The following MTMR7 variants were observed in gnomAD, a reference collection of about 807,000 sequenced individuals.
MTMR7 encodes the protein myotubularin related protein 7, also known as phosphatidylinositol-3-phosphate phosphatase MTMR7.
MTMR7 carries 76 observed loss-of-function variants against 81.2 expected under a neutral mutation model. The observed-to-expected ratio is 0.94, with a 90% CI of 0.78 to 1.13. The LOEUF is 1.13. Ranked by LOEUF, MTMR7 falls within the 50% of genes most tolerant of loss-of-function variation. The probability of loss-of-function intolerance (pLI) is 0.00; values close to 1 mark genes in which losing one functional copy is unlikely to be tolerated. For missense variants in MTMR7, 1,044 were observed against 820.0 expected (o/e 1.27, Z -3.34); for synonymous variants, 372 against 289.8 (o/e 1.28, Z -2.88).
chr8:17,304,556 T>C, intron 11 of MTMR7, 37 bp from the exon 12 acceptor site: 2 of 1,599,170 alleles, frequency 1.3e-6, no homozygotes, highest in African/African-American at 1.3e-5. Context: ...ATGACCTATT[T>C]TGGTGCTTAC....
At position 17,305,816 on chromosome 8, in the gene MTMR7, A is replaced by G. The variant is rs1442159562; in HGVS notation, c.1293T>C (p.Ile431=). Reference sequence around the variant, plus strand: ...GGAAGTTTCCAAACTGGCAGGAATAAATGTGATGTTGAATGTGAATCAAAA... The same window carrying G: ...GGAAGTTTCCAAACTGGCAGGAATAGATGTGATGTTGAATGTGAATCAAAA... ...ERFLIHIQHH[I]YSCQFGNFLC... Residue 431 remains isoleucine, a synonymous_variant, in exon 11 of 14, where the codon ATT becomes ATC. Coordinates refer to ENST00000180173, the MANE Select transcript of MTMR7 (RefSeq NM_004686.5). 6.2e-7 allele frequency: 1 copy of G among 1,613,776 alleles called. No individual in the cohort carries two copies. The highest frequency in any genetic ancestry group is 8.5e-7 in the Non-Finnish European group (1 of 1,179,762).
chr8:17,394,961 G>A lies in MTMR7; in HGVS notation c.24+18308C>T, dbSNP rs115113520. Among the ~76,000 whole-genome samples, 1,210 of 152,174 alleles carry A rather than the reference G, an allele frequency of 8.0e-3. 21 individuals carry two copies. Among genetic ancestry groups the A allele is most frequent in the African/African-American group, 0.027 (1,112 of 41,528 alleles). On this transcript the variant is annotated intron_variant, in intron 1 of 13. Transcript: ENST00000180173. ...AGATATACTTTAAAGCATTTTAAGC[G>A]TATAATTCAGTGGCGTTAAGTACAT...
chr8:17,323,054 T>C lies in MTMR7; in HGVS notation c.865+8096A>G, dbSNP rs576760132. Among the ~76,000 whole-genome samples, 14 of 150,132 alleles carry C rather than the reference T, an allele frequency of 9.3e-5. No individual in the cohort carries two copies. In the South Asian group the frequency reaches 2.8e-3, roughly 30 times the overall value. The stretch of plus-strand genomic sequence containing the variant: ...CCTCCACCTCCCGGATTCAAGCAAT[T>C]CTCCTGCCTCAGCCTCCTGAGTAGC... On this transcript the variant is annotated intron_variant, in intron 7 of 13. Transcript: ENST00000180173.
At chr8:17,380,104 C>T (rs1032931571) in intron 1 of MTMR7, among the ~76,000 whole-genome samples, 1 of 152,044 alleles carries the variant, frequency 6.6e-6, no homozygotes. Flanking sequence ...CCAGAAGGGA[C>T]TGTGAAAATG....
rs543342719 is a variant in MTMR7 at position 17,411,852 on chromosome 8, T to C, written c.24+1417A>G. On this transcript the variant is annotated intron_variant, in intron 1 of 13. Coordinates refer to ENST00000180173, the MANE Select transcript of MTMR7 (RefSeq NM_004686.5). Reference sequence around the variant, plus strand: ...TAACAAAGTGGCATCCACTGCCATGTCACTGTATCATTCTTGCTATCAATA... The same window carrying C: ...TAACAAAGTGGCATCCACTGCCATGCCACTGTATCATTCTTGCTATCAATA... 8.5e-5 allele frequency among the ~76,000 whole-genome samples: 13 copies of C among 152,370 alleles called. No homozygotes were observed. In the South Asian group the frequency reaches 2.5e-3, roughly 29 times the overall value.
At chr8:17,331,085 T>G in intron 7 of MTMR7, 65 bp downstream of exon 7, 6 of 1,548,036 alleles carry the variant, frequency 3.9e-6, no homozygotes, top group Non-Finnish European at 5.2e-6. Flanking sequence ...CAAGACTATC[T>G]TATTCCCTTT....
chr8:17,311,149 T>C (rs1817759048), intron 9 of MTMR7, among the ~76,000 whole-genome samples: 1 of 152,176 alleles, frequency 6.6e-6, no homozygotes. Context: ...TCCCAAAATA[T>C]TTTTTCTAAA....
intron 7 of MTMR7, among the ~76,000 whole-genome samples, chr8:17,317,672 C>G (rs6587033): frequency 6.6e-6 from 1 of 151,932 alleles, no homozygotes; most frequent in African/African-American, 2.4e-5. Flanking sequence ...AACTGCTTCT[C>G]GTGCAAACAT....
At position 17,302,182 on chromosome 8, in the gene MTMR7, A is replaced by T; in HGVS notation, c.1592T>A (p.Leu531Gln). Residue 531 changes from leucine to glutamine, a missense_variant, in exon 13 of 14, where the codon CTA becomes CAA. Transcript: ENST00000180173. ...TTCCAGGGCCTCTAGTTCTTCCTCT[A>T]GCTGCTGAGTTTCTTCCTTCACTGC... ...LMAVKEETQQLEEELEALEER... is the reference protein window; with the variant it reads ...LMAVKEETQQQEEELEALEER... 1 of 1,614,128 alleles carries T rather than the reference A, an allele frequency of 6.2e-7. No individual in the cohort carries two copies. The highest frequency in any genetic ancestry group is 8.5e-7 in the Non-Finnish European group (1 of 1,179,986).
intron 4 of MTMR7, among the ~76,000 whole-genome samples, chr8:17,355,227 A>G (rs1057466423): frequency 2.4e-4 from 37 of 152,216 alleles, no homozygotes; most frequent in African/African-American, 8.9e-4. Context: ...TTTCTTTACT[A>G]AACTTGGATT....
At chr8:17,304,937 G>A (rs1013488307) in intron 11 of MTMR7, among the ~76,000 whole-genome samples, 7 of 152,144 alleles carry the variant, frequency 4.6e-5, no homozygotes, top group Non-Finnish European at 8.8e-5. Flanking sequence ...GAGAGAATAA[G>A]TGGTTTCCCA....
At position 17,304,507 on chromosome 8, in the gene MTMR7, T is replaced by A. The variant is rs760623991; in HGVS notation, c.1365A>T (p.Arg455Ser). ...ACAGGTGAGCCCATAATGAGTATGT[T>A]CTTTCTTGAATCCTGTTATAAAGAA... ...KERRELKIQE[R>S]TYSLWAHLWK... is the part of the protein sequence containing the mutation. The change falls in exon 12 of 14, where the codon AGA (arginine) becomes AGT (serine). Residue 455 changes from arginine (R) to serine (S), a missense_variant. Transcript: ENST00000180173. 3.1e-6 allele frequency: 5 copies of A among 1,613,472 alleles called. No homozygotes were observed. In the East Asian group the frequency reaches 1.1e-4, roughly 36 times the overall value.
intron 1 of MTMR7, among the ~76,000 whole-genome samples, chr8:17,412,622 C>T (rs943303522): frequency 2.0e-5 from 3 of 152,186 alleles, no homozygotes; most frequent in African/African-American, 7.2e-5. Flanking sequence ...GTTGTTAAAA[C>T]ACAACAGTGC....
intron 7 of MTMR7, among the ~76,000 whole-genome samples, chr8:17,328,025 T>C (rs536971008): frequency 3.9e-5 from 6 of 152,320 alleles, no homozygotes; most frequent in South Asian, 4.1e-4. Context: ...AATGAATACA[T>C]TGATGAATAA....
intron 7 of MTMR7, among the ~76,000 whole-genome samples, chr8:17,314,717 C>G (rs1011153099): frequency 1.3e-5 from 2 of 152,152 alleles, no homozygotes; most frequent in Non-Finnish European, 2.9e-5. Flanking sequence ...CTAAGAAAAA[C>G]ATATTATGAA....
chr8:17,394,878 A>G (rs1193331844), intron 1 of MTMR7, among the ~76,000 whole-genome samples: 1 of 152,092 alleles, frequency 6.6e-6, no homozygotes, highest in East Asian at 1.9e-4. Flanking sequence ...GTATTTACTG[A>G]GCAGTGGTTA....
intron 1 of MTMR7, among the ~76,000 whole-genome samples, chr8:17,375,962 T>C (rs968691607): frequency 6.6e-6 from 1 of 152,212 alleles, no homozygotes; most frequent in Non-Finnish European, 1.5e-5. Flanking sequence ...TCAATGGTTT[T>C]TAGCACATTC....
In MTMR7 at chr8:17,297,675, G is replaced by C. The variant is rs1056404413; in HGVS notation, c.*2187C>G. 2.0e-5 allele frequency: 3 copies of C among 151,926 alleles called. No homozygotes were observed. The highest frequency in any genetic ancestry group is 7.3e-5 in the African/African-American group (3 of 41,366). 9.4% of individuals were successfully genotyped at this position (151,926 alleles called of 1,614,324 possible). ...ATTATTCCCTATGCTTTAAACCACT[G>C]CTCTCAATAAAACACTTCCTGATTA... On this transcript the variant is annotated 3_prime_UTR_variant, in exon 14 of 14. Coordinates refer to ENST00000180173, the MANE Select transcript of MTMR7 (RefSeq NM_004686.5).
chr8:17,340,035 T>C (rs1819358831), intron 6 of MTMR7, among the ~76,000 whole-genome samples: 1 of 152,220 alleles, frequency 6.6e-6, no homozygotes, highest in Non-Finnish European at 1.5e-5. Flanking sequence ...CACCGCAACC[T>C]CCGCCTCCCG....
Sources: gnomAD v4.1 joint callset for allele counts (sites outside exome capture counted in the v4.1 genomes callset) on GRCh38, gnomAD v4.1.1 for gene constraint, MANE v1.5 for transcripts, NCBI Gene and HGNC (gene_info 2026-07-23, HGNC 2026-07-21) for gene names.